DOCK3: variants seen among roughly 807,000 people sequenced by gnomAD.
DOCK3 encodes the protein dedicator of cytokinesis 3.
A neutral mutation model predicts 265.6 loss-of-function variants in DOCK3; 60 were observed. The ratio of observed to expected loss-of-function variants is 0.23; its 90% CI spans 0.18 to 0.28. The LOEUF (loss-of-function observed/expected upper bound fraction) is 0.28, where lower values mean the gene tolerates loss of function less well. DOCK3 is among the 10% of genes least tolerant of loss of function. DOCK3 has a pLI of 1.00. For synonymous variants in DOCK3, 881 were observed against 938.0 expected, an observed-to-expected ratio of 0.94 and a Z score of 1.11; for missense variants, 1,981 against 2,594.3, an observed-to-expected ratio of 0.76 and a Z score of 5.14.
rs1241519410 is a variant in DOCK3 at position 50,901,512 on chromosome 3, C to T, written c.218+11431C>T. 11 of 409,636 alleles carry T rather than the reference C, an allele frequency of 2.7e-5. No homozygotes were observed. The East Asian group carries it at 4.4e-4, about 16-fold the overall frequency. The allele number at this position is 409,636 out of a possible 1,614,324, so 25.4% of individuals were successfully genotyped here. On this transcript the variant is annotated intron_variant, in intron 4 of 52. Coordinates refer to ENST00000266037, the MANE Select transcript of DOCK3 (RefSeq NM_004947.5). ...TGCTTGCTGGCGTTCCAGGCACCACCGGAGTGTGAAAAAATATGCTGCAGT... is the reference window on the plus strand; with the variant it reads ...TGCTTGCTGGCGTTCCAGGCACCACTGGAGTGTGAAAAAATATGCTGCAGT...
chr3:50,911,346 A>T (rs140060760), intron 4 of DOCK3, among the ~76,000 whole-genome samples: 2 of 152,056 alleles, frequency 1.3e-5, no homozygotes, highest in African/African-American at 4.8e-5. Flanking sequence ...GTGGTGAGAA[A>T]TGGGGTTTAG....
chr3:51,092,227 A>G (rs1576041255), intron 9 of DOCK3, among the ~76,000 whole-genome samples: 1 of 152,148 alleles, frequency 6.6e-6, no homozygotes, highest in Non-Finnish European at 1.5e-5. Flanking sequence ...GGCAGGTCCC[A>G]CCCCCATGGA....
At chr3:51,027,157 A>G (rs986213660) in intron 5 of DOCK3, among the ~76,000 whole-genome samples, 7 of 151,886 alleles carry the variant, frequency 4.6e-5, no homozygotes, top group South Asian at 2.1e-4. Flanking sequence ...TTGTGTTTCT[A>G]TTTGTTTGAA....
rs981740830 is a variant in DOCK3 at position 51,374,720 on chromosome 3, G to T, written c.5412+133G>T. ...CCGCTGTAAGATCCCGCAAAAGGCC[G>T]CTGGGCTTCTGGATGTGGAGTGCAG... On this transcript the variant is annotated intron_variant, in intron 50 of 52. Coordinates refer to ENST00000266037, the MANE Select transcript of DOCK3 (RefSeq NM_004947.5). This position sits in a 1 kb window ranked among gnomAD's most constrained non-coding sequence, Gnocchi z 4.8. The T allele has an allele frequency of 8.1e-6, 7 of 861,686 alleles. No homozygotes were observed. The highest frequency in any genetic ancestry group is 1.7e-5 in the African/African-American group (1 of 59,682). 53.4% of individuals were successfully genotyped at this position (861,686 alleles called of 1,614,324 possible).
At chr3:50,680,215 CT>C (rs771036444) in intron 1 of DOCK3, among the ~76,000 whole-genome samples, 283 of 136,104 alleles carry the variant, frequency 2.1e-3, no homozygotes, top group South Asian at 4.5e-3. Context: ...CTTTTTCTTT[CT>C]TTTTTTTTTT....
At chr3:50,712,388 A>G (rs554845623) in intron 1 of DOCK3, among the ~76,000 whole-genome samples, 1 of 152,300 alleles carries the variant, frequency 6.6e-6, no homozygotes, top group East Asian at 1.9e-4. Flanking sequence ...CCCAGGCTGT[A>G]GTGCAGTGGC....
rs760287967 is a variant in DOCK3 at position 50,934,015 on chromosome 3, A to G, written c.253A>G (p.Ile85Val). Residue 85 changes from isoleucine (I) to valine (V), a missense_variant, in exon 5 of 53, where the codon ATT becomes GTT. By Grantham distance (29) the Ile-to-Val change is conservative (BLOSUM62 3). Around this residue, in one of 4 missense-constraint regions of DOCK3, gnomAD observed 456 missense variants for 539.0 expected, o/e 0.85. Transcript: ENST00000266037. ...AACTGTGGTTCCACTTGAAGATTCT[A>G]TTGTGACTGAGGTTACAGCAACTCT... The part of the protein sequence containing the change: ...YETVVPLEDS[I>V]VTEVTATLQE... 7 of 1,610,408 alleles carry G rather than the reference A, an allele frequency of 4.3e-6. No individual in the cohort carries two copies. The highest frequency in any genetic ancestry group is 1.1e-5 in the South Asian group (1 of 90,232).
At chr3:51,103,707 A>G (rs2083168868) in intron 9 of DOCK3, among the ~76,000 whole-genome samples, 2 of 152,210 alleles carry the variant, frequency 1.3e-5, no homozygotes, top group African/African-American at 2.4e-5. Context: ...TCAAGGACTT[A>G]ATATAAATCT....
chr3:50,969,839 A>T (rs1456065457), intron 5 of DOCK3, among the ~76,000 whole-genome samples: 1 of 152,202 alleles, frequency 6.6e-6, no homozygotes, highest in Admixed American at 6.5e-5. Flanking sequence ...TGGGAGGCCG[A>T]GGTGGGCGGA....
chr3:51,365,855 T>C (rs1380524548), intron 49 of DOCK3, among the ~76,000 whole-genome samples: 5 of 152,228 alleles, frequency 3.3e-5, no homozygotes, highest in Admixed American at 3.3e-4. Context: ...TTGTGGTGGA[T>C]AAGCTTTTTG....
intron 5 of DOCK3, among the ~76,000 whole-genome samples, chr3:50,950,602 A>G (rs940263485): frequency 2.6e-5 from 4 of 152,080 alleles, no homozygotes; most frequent in African/African-American, 9.7e-5. Context: ...ACCTAGCTTC[A>G]GTGCCTCTAT....
At chr3:51,171,443 G>A (rs1359300285) in intron 12 of DOCK3, among the ~76,000 whole-genome samples, 2 of 152,042 alleles carry the variant, frequency 1.3e-5, no homozygotes, top group Admixed American at 6.6e-5. Context: ...TGGGCCAGGT[G>A]CGGTGGCTCA....
At chr3:51,196,481 G>A (rs976995668) in intron 12 of DOCK3, among the ~76,000 whole-genome samples, 1 of 151,996 alleles carries the variant, frequency 6.6e-6, no homozygotes, top group Admixed American at 6.6e-5. Flanking sequence ...TTTTTGTTTG[G>A]TTAAATACAT....
chr3:51,341,114 C>A, intron 37 of DOCK3, 123 bp from the exon 38 acceptor site: 1 of 1,233,604 alleles, frequency 8.1e-7, no homozygotes, highest in Non-Finnish European at 1.1e-6. Context: ...ATCCAGTGTC[C>A]CCGACCTGGG....
At chr3:51,206,264 G>A (rs1415187496) in intron 12 of DOCK3, among the ~76,000 whole-genome samples, 8 of 152,074 alleles carry the variant, frequency 5.3e-5, no homozygotes, top group Non-Finnish European at 8.8e-5. Flanking sequence ...ATTGACCTTG[G>A]CAATTATTCC....
chr3:51,338,806 T>C (rs2085040256), intron 36 of DOCK3, 129 bp from the exon 37 acceptor site: 2 of 747,716 alleles, frequency 2.7e-6, no homozygotes, highest in Middle Eastern at 2.4e-4. Flanking sequence ...TTTCTCCTTC[T>C]GGTGCTGTCT....
chr3:50,877,361 T>C, intron 3 of DOCK3: 1 of 500,442 alleles, frequency 2.0e-6, no homozygotes, highest in South Asian at 1.5e-5. Flanking sequence ...TGTACTAGTA[T>C]CTTCATCATA....
At chr3:51,085,219 A>G (rs551243259) in intron 7 of DOCK3, among the ~76,000 whole-genome samples, 1 of 152,266 alleles carries the variant, frequency 6.6e-6, no homozygotes, top group Non-Finnish European at 1.5e-5. Context: ...ACCCCAATGC[A>G]TTAATAGTTG....
At chr3:50,677,613 A>T (rs928833831) in intron 1 of DOCK3, among the ~76,000 whole-genome samples, 1 of 152,122 alleles carries the variant, frequency 6.6e-6, no homozygotes, top group Admixed American at 6.5e-5. Context: ...AACCCCTTAC[A>T]CTTACTTCCT....
Sources: allele counts gnomAD v4.1 joint callset (sites outside exome capture counted in the v4.1 genomes callset), GRCh38; gene constraint gnomAD v4.1.1; regional missense constraint gnomAD v4.1.1; non-coding constraint Gnocchi (gnomAD v3.1); transcripts MANE v1.5; gene names NCBI Gene and HGNC (gene_info 2026-07-23, HGNC 2026-07-21).